GRID2: variants seen among roughly 807,000 people sequenced by gnomAD.
GRID2 encodes glutamate ionotropic receptor delta type subunit 2, also known as glutamate receptor ionotropic, delta-2.
Under a neutral mutation model 114.8 loss-of-function variants are expected in GRID2, and 33 were observed. That is an observed-to-expected ratio of 0.29 (90% CI 0.22 to 0.38). The LOEUF (loss-of-function observed/expected upper bound fraction) is 0.38. Ranked by LOEUF, GRID2 falls within the 10% of genes least tolerant of loss-of-function variation. The probability of loss-of-function intolerance (pLI) is 1.00; values close to 1 mark genes in which losing one functional copy is unlikely to be tolerated. For missense variants in GRID2, 1,184 were observed against 1,257.7 expected (o/e 0.94, Z 0.89); for synonymous variants, 505 against 449.9 (o/e 1.12, Z -1.55).
At chr4:92,664,810 T>G (rs552141240) in intron 2 of GRID2, among the ~76,000 whole-genome samples, 1 of 151,320 alleles carries the variant, frequency 6.6e-6, no homozygotes, top group East Asian at 1.9e-4. Context: ...CTTTTTAAAT[T>G]TAATGTCCAT....
intron 2 of GRID2, among the ~76,000 whole-genome samples, chr4:92,765,723 A>T (rs996198851): frequency 6.6e-6 from 1 of 152,194 alleles, no homozygotes; most frequent in African/African-American, 2.4e-5. Flanking sequence ...TTTAGTAGTT[A>T]TGAAAGTATC....
At chr4:92,651,049 G>A (rs1579767717) in intron 2 of GRID2, among the ~76,000 whole-genome samples, 2 of 152,186 alleles carry the variant, frequency 1.3e-5, no homozygotes, top group South Asian at 4.1e-4. Context: ...GTCTGTCAAA[G>A]TGGTTCATTG....
chr4:93,722,462 A>G (rs1729468025), intron 14 of GRID2, among the ~76,000 whole-genome samples: 1 of 152,192 alleles, frequency 6.6e-6, no homozygotes, highest in Non-Finnish European at 1.5e-5. Flanking sequence ...TCACTAATCA[A>G]CACATCAGTG....
chr4:93,249,389 T>G (rs1267292269), intron 8 of GRID2, among the ~76,000 whole-genome samples: 1 of 152,146 alleles, frequency 6.6e-6, no homozygotes, highest in Non-Finnish European at 1.5e-5. Context: ...ATTAAAGTAG[T>G]TTTTGTTCTA....
At chr4:93,157,997 C>T (rs1305395265) in intron 4 of GRID2, among the ~76,000 whole-genome samples, 2 of 151,810 alleles carry the variant, frequency 1.3e-5, no homozygotes, top group African/African-American at 2.4e-5. Flanking sequence ...TACAGTTGCA[C>T]ATGTAGTGTT....
chr4:93,013,299 G>A (rs1336665089), intron 2 of GRID2, among the ~76,000 whole-genome samples: 1 of 151,836 alleles, frequency 6.6e-6, no homozygotes, highest in Non-Finnish European at 1.5e-5. Flanking sequence ...TGTTGGTTGA[G>A]TTTTTTTAAT....
chr4:93,591,787 G>C (rs1387705263), intron 13 of GRID2, among the ~76,000 whole-genome samples: 1 of 152,214 alleles, frequency 6.6e-6, no homozygotes, highest in Non-Finnish European at 1.5e-5. Context: ...AGTCTTGGGA[G>C]AGTGTATGTG....
chr4:92,781,953 T>C (rs145117495), intron 2 of GRID2, among the ~76,000 whole-genome samples: 63 of 152,224 alleles, frequency 4.1e-4, no homozygotes, highest in Non-Finnish European at 7.1e-4. Flanking sequence ...TGCTTATTTT[T>C]CTTTTTATGA....
rs115607806 is a variant in GRID2 at position 92,429,725 on chromosome 4, T to C, written c.88+124981T>C. Among the ~76,000 whole-genome samples, 483 of 152,278 alleles carry C rather than the reference T, an allele frequency of 3.2e-3. 4 individuals are homozygous for C. The highest frequency in any genetic ancestry group is 0.011 in the African/African-American group (446 of 41,570). On this transcript the variant is annotated intron_variant, in intron 1 of 15. Coordinates refer to ENST00000282020, the MANE Select transcript of GRID2 (RefSeq NM_001510.4). ...TGTAATTTAGTCCCCAGCAGAAGTG[T>C]ACAAGCATTCTGTGTTCTCCACACC...
intron 13 of GRID2, among the ~76,000 whole-genome samples, chr4:93,616,590 AAAAT>A (rs945208827): frequency 8.6e-4 from 91 of 105,862 alleles, no homozygotes; most frequent in African/African-American, 3.4e-3. Context: ...AAATATTTAT[AAAAT>A]AAATATTTTA....
intron 10 of GRID2, among the ~76,000 whole-genome samples, chr4:93,451,682 G>T (rs1480145476): frequency 6.6e-6 from 1 of 152,076 alleles, no homozygotes; most frequent in Non-Finnish European, 1.5e-5. Flanking sequence ...TAGATTTCAG[G>T]TAGTCTTACA....
intron 8 of GRID2, among the ~76,000 whole-genome samples, chr4:93,270,520 C>T (rs979730768): frequency 6.6e-6 from 1 of 152,170 alleles, no homozygotes; most frequent in African/African-American, 2.4e-5. Flanking sequence ...CTTACTGTTA[C>T]AGCACATCAT....
At chr4:93,120,932 G>A (rs1297902137) in intron 4 of GRID2, among the ~76,000 whole-genome samples, 4 of 152,034 alleles carry the variant, frequency 2.6e-5, no homozygotes, top group Admixed American at 2.6e-4. Flanking sequence ...CAGCCTGGGC[G>A]ACAGTGCGAG....
Position 92,965,114 on chromosome 4 carries a change from G to A in GRID2, c.245-119881G>A, listed in dbSNP as rs549590441. Among the ~76,000 whole-genome samples, 8 of 151,928 alleles carry A rather than the reference G, an allele frequency of 5.3e-5. No homozygotes were observed. In the East Asian group the frequency reaches 1.6e-3, roughly 30 times the overall value. On this transcript the variant is annotated intron_variant, in intron 2 of 15. Transcript: ENST00000282020. ...TGAGCATGTAGAGACCATTTGCAGA[G>A]TTATTAATTGGCTTAATTTCAATAT...
chr4:92,549,161 C>T (rs569431078), intron 1 of GRID2, among the ~76,000 whole-genome samples: 94 of 150,422 alleles, frequency 6.2e-4, no homozygotes, highest in African/African-American at 2.1e-3. Context: ...CAAGTAATCT[C>T]AAATAGATGA....
intron 2 of GRID2, among the ~76,000 whole-genome samples, chr4:92,656,241 C>A (rs578251485): frequency 1.3e-5 from 2 of 151,734 alleles, no homozygotes; most frequent in African/African-American, 4.8e-5. Context: ...AAATTTGTAA[C>A]AAGGTATGAG....
intron 2 of GRID2, among the ~76,000 whole-genome samples, chr4:92,730,799 G>C (rs1159344685): frequency 6.6e-6 from 1 of 151,942 alleles, no homozygotes; most frequent in Non-Finnish European, 1.5e-5. Flanking sequence ...TAAGCAATCA[G>C]TTAAATCAGA....
chr4:92,466,228 G>A (rs1320934636), intron 1 of GRID2, among the ~76,000 whole-genome samples: 1 of 151,746 alleles, frequency 6.6e-6, no homozygotes, highest in Non-Finnish European at 1.5e-5. Flanking sequence ...CTTGTGTTGG[G>A]AGCATTCAAT....
chr4:93,389,742 C>A (rs1764661183), intron 8 of GRID2, among the ~76,000 whole-genome samples: 1 of 151,932 alleles, frequency 6.6e-6, no homozygotes, highest in South Asian at 2.1e-4. Context: ...GGTTAAGTAG[C>A]CATTCTATGA....
Sources: allele counts gnomAD v4.1 joint callset (sites outside exome capture counted in the v4.1 genomes callset), GRCh38; gene constraint gnomAD v4.1.1; transcripts MANE v1.5; gene names NCBI Gene and HGNC (gene_info 2026-07-23, HGNC 2026-07-21).